The following BCO1 variants were observed in gnomAD, a reference collection of about 807,000 sequenced individuals.
BCO1 encodes beta-carotene oxygenase 1.
BCO1 carries 54 observed loss-of-function variants against 56.3 expected under a neutral mutation model. The observed-to-expected ratio is 0.96, with a 90% CI of 0.77 to 1.20. The LOEUF (loss-of-function observed/expected upper bound fraction) is 1.20, where lower values mean the gene tolerates loss of function less well. Ranked by LOEUF, BCO1 falls within the 50% of genes most tolerant of loss-of-function variation. BCO1 has a pLI of 0.00. For synonymous variants in BCO1, 318 were observed against 266.1 expected (o/e 1.20, Z -1.90); for missense variants, 801 against 690.9 (o/e 1.16, Z -1.79).
At chr16:81,270,557 A>C (rs1415659479) in intron 7 of BCO1, 141 bp downstream of exon 7, 1 of 1,144,052 alleles carries the variant, frequency 8.7e-7, no homozygotes, top group East Asian at 2.5e-5. Context: ...TGTTTTTCCC[A>C]AAGTAGTACC....
At chr16:81,239,735 C>T (rs1028989947) in intron 1 of BCO1, among the ~76,000 whole-genome samples, 1 of 152,152 alleles carries the variant, frequency 6.6e-6, no homozygotes, top group Non-Finnish European at 1.5e-5. Flanking sequence ...GTGTGAGCTC[C>T]TGCAGAGCCT....
chr16:81,256,939 AC>A (rs1906174024), intron 2 of BCO1, among the ~76,000 whole-genome samples: 1 of 151,416 alleles, frequency 6.6e-6, no homozygotes, highest in South Asian at 2.1e-4. Flanking sequence ...GGACCCCTCA[AC>A]CCATTTCCCA....
At chr16:81,242,988 C>A (rs1343064316) in intron 1 of BCO1, among the ~76,000 whole-genome samples, 1 of 152,082 alleles carries the variant, frequency 6.6e-6, no homozygotes, top group East Asian at 1.9e-4. Context: ...CAAAACCAGT[C>A]CCTGGTGCCA....
In BCO1 at chr16:81,288,959, C is replaced by T. The variant is rs547149211; in HGVS notation, c.1415-1389C>T. ...CCCTGTGTCACTGTCATCTCCAAGG[C>T]GGGGGACCACAGGCCTTGCCTCCTG... On this transcript the variant is annotated intron_variant, in intron 10 of 10. Transcript: ENST00000258168. Among the ~76,000 whole-genome samples the T allele has an allele frequency of 5.9e-5, 9 of 152,286 alleles. No individual in the cohort carries two copies. In the South Asian group the frequency reaches 8.3e-4, roughly 14 times the overall value.
At chr16:81,271,547 G>A (rs1285969483) in intron 7 of BCO1, among the ~76,000 whole-genome samples, 2 of 152,044 alleles carry the variant, frequency 1.3e-5, no homozygotes, top group African/African-American at 4.8e-5. Context: ...TCACCTCCTA[G>A]TCTTCCCCTC....
At chr16:81,266,314 C>G (rs1906826321) in intron 5 of BCO1, among the ~76,000 whole-genome samples, 1 of 152,168 alleles carries the variant, frequency 6.6e-6, no homozygotes, top group African/African-American at 2.4e-5. Flanking sequence ...CATGTTTGTC[C>G]AGGACCCTCC....
At chr16:81,246,483 A>C (rs1366163024) in intron 2 of BCO1, among the ~76,000 whole-genome samples, 1 of 152,074 alleles carries the variant, frequency 6.6e-6, no homozygotes. Context: ...AATAATATAC[A>C]TCCTCAATCA....
chr16:81,282,653 C>T (rs933920287), intron 8 of BCO1, among the ~76,000 whole-genome samples: 1 of 152,058 alleles, frequency 6.6e-6, no homozygotes. Context: ...AACCCCCATC[C>T]CTGCTCACCC....
intron 2 of BCO1, among the ~76,000 whole-genome samples, chr16:81,256,490 CT>C (rs1249064315): frequency 2.6e-5 from 4 of 152,082 alleles, no homozygotes; most frequent in African/African-American, 9.7e-5. Context: ...GAAATGCGTT[CT>C]GTAAAAGGAA....
At chr16:81,249,331 A>C (rs1374511979) in intron 2 of BCO1, among the ~76,000 whole-genome samples, 4 of 151,792 alleles carry the variant, frequency 2.6e-5, no homozygotes, top group African/African-American at 9.7e-5. Flanking sequence ...ATCTCGGCTC[A>C]TTGCAAACTC....
At chr16:81,244,229 G>A (rs900939534) in intron 1 of BCO1, among the ~76,000 whole-genome samples, 4 of 152,202 alleles carry the variant, frequency 2.6e-5, no homozygotes, top group Admixed American at 6.6e-5. Context: ...ATTTTCTGCA[G>A]CACCCTGCCT....
chr16:81,247,325 C>T (rs1905485864), intron 2 of BCO1, among the ~76,000 whole-genome samples: 3 of 152,084 alleles, frequency 2.0e-5, no homozygotes, highest in South Asian at 2.1e-4. Flanking sequence ...AAGTATTGGA[C>T]GTTCTAGCAA....
rs2151941836 is a variant in BCO1, at chr16:81,270,143, A to G, written c.844-16A>G. The G allele has an allele frequency of 1.2e-6, 2 of 1,614,008 alleles. No homozygotes were observed. Among genetic ancestry groups the G allele is most frequent in the Non-Finnish European group, 1.7e-6 (2 of 1,180,008 alleles). ...AGAGAGGGTGAGCTGAGCCCTTGAT[A>G]TGTGTCCTTTTTCAGACTTATATCC... is the stretch of plus-strand genomic sequence containing the variant. On this transcript the variant is annotated splice_polypyrimidine_tract_variant and intron_variant, in intron 6 of 10. Transcript: ENST00000258168.
chr16:81,277,870 G>A (rs545369482), intron 7 of BCO1, among the ~76,000 whole-genome samples: 4 of 152,098 alleles, frequency 2.6e-5, no homozygotes, highest in Non-Finnish European at 5.9e-5. Flanking sequence ...CAACCAGTCC[G>A]ACCAGTTTGG....
chr16:81,283,780 A>G (rs921560204), intron 8 of BCO1, among the ~76,000 whole-genome samples: 5 of 152,064 alleles, frequency 3.3e-5, no homozygotes, highest in African/African-American at 1.2e-4. Flanking sequence ...TGGACATTAT[A>G]TCTTCACCAG....
At chr16:81,252,933 A>T (rs1905899342) in intron 2 of BCO1, among the ~76,000 whole-genome samples, 3 of 151,414 alleles carry the variant, frequency 2.0e-5, no homozygotes, top group Non-Finnish European at 4.4e-5. Flanking sequence ...ACATGGTGAA[A>T]CCCCCTCTCT....
rs764454500 is a variant in BCO1 at position 81,238,866 on chromosome 16, A to C, written c.-43A>C. 6.4e-7 allele frequency: 1 copy of C among 1,559,070 alleles called. No individual in the cohort carries two copies. Among genetic ancestry groups the C allele is most frequent in the Non-Finnish European group, 8.8e-7 (1 of 1,130,020 alleles). On this transcript the variant is annotated 5_prime_UTR_variant, in exon 1 of 11. Coordinates refer to ENST00000258168, the MANE Select transcript of BCO1 (RefSeq NM_017429.3). ...GCATCTCCTGTGAACACAGAGGAGC[A>C]CCTGTTTGCTGTTAAAATCGATCTC...
At chr16:81,286,593 C>A (rs1045090779) in intron 9 of BCO1, among the ~76,000 whole-genome samples, 1 of 152,172 alleles carries the variant, frequency 6.6e-6, no homozygotes, top group Non-Finnish European at 1.5e-5. Flanking sequence ...TGGTGGCTCA[C>A]GCCTGTAATC....
chr16:81,280,018 T>A (rs1907773967), intron 7 of BCO1, among the ~76,000 whole-genome samples: 1 of 151,966 alleles, frequency 6.6e-6, no homozygotes, highest in South Asian at 2.1e-4. Flanking sequence ...ATCCCAGCAC[T>A]TTGGGAGGCC....
Sources: gnomAD v4.1 joint callset for allele counts (sites outside exome capture counted in the v4.1 genomes callset) on GRCh38, gnomAD v4.1.1 for gene constraint, MANE v1.5 for transcripts, NCBI Gene and HGNC (gene_info 2026-07-23, HGNC 2026-07-21) for gene names.